EYA2: variants seen among roughly 807,000 people sequenced by gnomAD.
The protein encoded by EYA2 is protein phosphatase EYA2.
EYA2 carries 31 observed loss-of-function variants against 69.2 expected under a neutral mutation model. The observed-to-expected ratio is 0.45, with a 90% CI of 0.34 to 0.60. The LOEUF (loss-of-function observed/expected upper bound fraction) is 0.60, where lower values mean the gene tolerates loss of function less well. Among genes scored for constraint, EYA2 ranks in the 20% least tolerant of loss-of-function variants. The pLI is 0.02. For missense variants in EYA2, 622 were observed against 701.2 expected, an observed-to-expected ratio of 0.89 and a Z score of 1.28; for synonymous variants, 257 against 279.4, an observed-to-expected ratio of 0.92 and a Z score of 0.80.
At chr20:47,058,442 C>T (rs1003367014) in intron 5 of EYA2, among the ~76,000 whole-genome samples, 4 of 152,192 alleles carry the variant, frequency 2.6e-5, no homozygotes, top group Non-Finnish European at 4.4e-5. Context: ...CACACAGGCC[C>T]ACAAGGGGAT....
chr20:46,954,780 G>A (rs1395397189), intron 1 of EYA2, among the ~76,000 whole-genome samples: 1 of 152,156 alleles, frequency 6.6e-6, no homozygotes, highest in Admixed American at 6.5e-5. Flanking sequence ...CCTGAGCTGC[G>A]TCCCCAGGGA....
chr20:47,148,545 A>G (rs1305896955), intron 10 of EYA2, among the ~76,000 whole-genome samples: 2 of 152,364 alleles, frequency 1.3e-5, no homozygotes, highest in African/African-American at 4.8e-5. Flanking sequence ...GGCAACAGAA[A>G]TATGACAAAG....
intron 5 of EYA2, among the ~76,000 whole-genome samples, chr20:47,044,539 A>G (rs1408618643): frequency 6.6e-6 from 1 of 152,200 alleles, no homozygotes; most frequent in African/African-American, 2.4e-5. Flanking sequence ...GGCAATAGCA[A>G]GTTGCACTGT....
intron 1 of EYA2, among the ~76,000 whole-genome samples, chr20:46,955,516 TATC>T (rs1979068662): frequency 6.6e-6 from 1 of 152,232 alleles, no homozygotes; most frequent in Non-Finnish European, 1.5e-5. Context: ...TTAACATGCT[TATC>T]ATAGAGCAAT....
intron 7 of EYA2, among the ~76,000 whole-genome samples, chr20:47,077,902 G>T (rs2031573524): frequency 1.3e-5 from 2 of 152,134 alleles, no homozygotes; most frequent in Non-Finnish European, 2.9e-5. Context: ...TTCAACAAAG[G>T]AGATAAAAAC....
At chr20:47,083,577 CAA>C (rs35525311) in intron 7 of EYA2, among the ~76,000 whole-genome samples, 3 of 120,608 alleles carry the variant, frequency 2.5e-5, no homozygotes, top group African/African-American at 3.3e-5. Flanking sequence ...GAGTCCATCT[CAA>C]AAAAAAAAAA....
intron 12 of EYA2, among the ~76,000 whole-genome samples, chr20:47,173,341 G>A (rs1461757316): frequency 1.3e-5 from 2 of 151,586 alleles, no homozygotes; most frequent in East Asian, 1.9e-4. Context: ...CCCTGGAATC[G>A]GGAGGACCTG....
At chr20:47,160,102 C>T (rs954946173) in intron 10 of EYA2, among the ~76,000 whole-genome samples, 4 of 152,142 alleles carry the variant, frequency 2.6e-5, no homozygotes, top group East Asian at 1.9e-4. Flanking sequence ...TGAGCAGGAG[C>T]GGGACGTGAT....
At chr20:47,078,233 G>C (rs562216967) in intron 7 of EYA2, among the ~76,000 whole-genome samples, 9 of 152,218 alleles carry the variant, frequency 5.9e-5, no homozygotes, top group African/African-American at 2.2e-4. Context: ...GTAAATAATG[G>C]TCAGCTGTAG....
chr20:47,129,807 T>C (rs2033291313), intron 9 of EYA2, among the ~76,000 whole-genome samples: 1 of 152,154 alleles, frequency 6.6e-6, no homozygotes, highest in Admixed American at 6.6e-5. Flanking sequence ...GCAAATAAAG[T>C]GCTGAGCGCA....
At chr20:47,092,869 A>C (rs1350733321) in intron 8 of EYA2, among the ~76,000 whole-genome samples, 2 of 152,146 alleles carry the variant, frequency 1.3e-5, no homozygotes, top group African/African-American at 4.8e-5. Context: ...CACGGGAGAG[A>C]AATTATGTGG....
chr20:46,941,962 C>T (rs1366462004), intron 1 of EYA2, among the ~76,000 whole-genome samples: 1 of 151,830 alleles, frequency 6.6e-6, no homozygotes, highest in African/African-American at 2.4e-5. Flanking sequence ...CTCACTATGT[C>T]GCCCAGCTGG....
At chr20:47,083,873 C>G (rs925884180) in intron 7 of EYA2, among the ~76,000 whole-genome samples, 6 of 152,140 alleles carry the variant, frequency 3.9e-5, no homozygotes, top group Non-Finnish European at 5.9e-5. Context: ...CAAGGCATAT[C>G]TCGAATAAAG....
chr20:46,985,659 A>G (rs931702091), intron 1 of EYA2, among the ~76,000 whole-genome samples: 1 of 152,214 alleles, frequency 6.6e-6, no homozygotes, highest in Admixed American at 6.5e-5. Flanking sequence ...TTAAGAGAGT[A>G]GGGAGTGGTG....
chr20:47,044,595 G>A (rs1409178263), intron 5 of EYA2, among the ~76,000 whole-genome samples: 1 of 152,198 alleles, frequency 6.6e-6, no homozygotes, highest in African/African-American at 2.4e-5. Flanking sequence ...TTGGCGTTGA[G>A]CACATGGTTC....
chr20:47,003,508 A>G (rs1299050360), intron 3 of EYA2, among the ~76,000 whole-genome samples: 1 of 152,242 alleles, frequency 6.6e-6, no homozygotes, highest in Non-Finnish European at 1.5e-5. Context: ...ACGCTGAAGC[A>G]CCTGCTTTTC....
In EYA2 at chr20:47,184,184, G is replaced by A. The variant is rs191351279; in HGVS notation, c.1536+793G>A. ...CTGGGAGATGTAGTCTCTATTATCC[G>A]CCGCCATGAGCCCCGCTAAGAAATG... On this transcript the variant is annotated intron_variant, in intron 15 of 15. Coordinates refer to ENST00000327619, the MANE Select transcript of EYA2 (RefSeq NM_005244.5). 8.5e-5 allele frequency among the ~76,000 whole-genome samples: 13 copies of A among 152,168 alleles called. 1 individual carries two copies. Among genetic ancestry groups the A allele is most frequent in the African/African-American group, 2.2e-4 (9 of 41,516 alleles).
chr20:46,900,387 A>G lies in EYA2; in HGVS notation c.-11+5400A>G, dbSNP rs1424434310. 5.9e-5 allele frequency among the ~76,000 whole-genome samples: 9 copies of G among 152,200 alleles called. 1 individual carries two copies. Among genetic ancestry groups the G allele is most frequent in the Admixed American group, 5.9e-4 (9 of 15,278 alleles). ...CCTTTCATAACTGAAATACACGTGTATTAGCCAAAAGACATTTTAATTTTG... is the reference window on the plus strand; with the variant it reads ...CCTTTCATAACTGAAATACACGTGTGTTAGCCAAAAGACATTTTAATTTTG... On this transcript the variant is annotated intron_variant, in intron 1 of 15. Coordinates refer to ENST00000327619, the MANE Select transcript of EYA2 (RefSeq NM_005244.5).
intron 9 of EYA2, among the ~76,000 whole-genome samples, chr20:47,098,518 G>A (rs2032322865): frequency 6.6e-6 from 1 of 152,176 alleles, no homozygotes; most frequent in Non-Finnish European, 1.5e-5. Flanking sequence ...AGGGATGTGT[G>A]ATCTTGGGTA....
Sources: allele counts gnomAD v4.1 joint callset (sites outside exome capture counted in the v4.1 genomes callset), GRCh38; gene constraint gnomAD v4.1.1; transcripts MANE v1.5; gene names NCBI Gene and HGNC (gene_info 2026-07-23, HGNC 2026-07-21).